FMNL3: variants seen among roughly 807,000 people sequenced by gnomAD.
FMNL3 encodes formin-like protein 3.
In FMNL3, 57 loss-of-function variants were observed where a neutral mutation model predicts 119.6. The ratio of observed to expected loss-of-function variants is 0.48; its 90% CI spans 0.39 to 0.59. The LOEUF is 0.59. Ranked by LOEUF, FMNL3 falls within the 20% of genes least tolerant of loss-of-function variation. The pLI, the probability that FMNL3 is intolerant of heterozygous loss-of-function variation, is 0.00. For synonymous variants in FMNL3, 491 were observed against 507.3 expected (o/e 0.97, Z 0.43); for missense variants, 1,053 against 1,323.5 (o/e 0.80, Z 3.17).
intron 1 of FMNL3, among the ~76,000 whole-genome samples, chr12:49,682,821 C>CA (rs1944370795): frequency 6.6e-6 from 1 of 152,162 alleles, no homozygotes; most frequent in Non-Finnish European, 1.5e-5. Flanking sequence ...AACAGCCACC[C>CA]AGGGGATTCA....
In FMNL3 at chr12:49,649,937, G is replaced by A. The variant is rs749293458; in HGVS notation, c.2001-12C>T. Reference sequence around the variant, plus strand: ...TCTGCAAGTCAAACCTGTGGAGGAGGGAGGGACCACCTCAGTTCTCACATC... The same window carrying A: ...TCTGCAAGTCAAACCTGTGGAGGAGAGAGGGACCACCTCAGTTCTCACATC... On this transcript the variant is annotated splice_polypyrimidine_tract_variant and intron_variant, in intron 17 of 25. Transcript: ENST00000335154. The surrounding 1 kb of genome is among the most constrained non-coding windows in gnomAD (Gnocchi z 5.6). The A allele has an allele frequency of 1.6e-5, 25 of 1,607,678 alleles. No individual in the cohort carries two copies. Among genetic ancestry groups the A allele is most frequent in the Non-Finnish European group, 2.1e-5 (25 of 1,176,112 alleles).
At chr12:49,680,574 A>G (rs965987811) in intron 1 of FMNL3, among the ~76,000 whole-genome samples, 4 of 152,180 alleles carry the variant, frequency 2.6e-5, no homozygotes, top group African/African-American at 9.7e-5. Flanking sequence ...CCACAGCCCA[A>G]TGCTATTTTT....
intron 12 of FMNL3, 99 bp downstream of exon 12, chr12:49,653,626 C>A (rs919070550): frequency 6.5e-7 from 1 of 1,549,222 alleles, no homozygotes; most frequent in Non-Finnish European, 8.8e-7. Context: ...CTAAAGCCTC[C>A]CTGGGACTCA....
Position 49,649,916 on chromosome 12 carries a change from C to G in FMNL3, c.2010G>C (p.Leu670Phe). 6.2e-7 allele frequency: 1 copy of G among 1,613,308 alleles called. No homozygotes were observed. Among genetic ancestry groups the G allele is most frequent in the Non-Finnish European group, 8.5e-7 (1 of 1,179,738 alleles). The change falls in exon 18 of 26, where the codon TTG (leucine) becomes TTC (phenylalanine). Residue 670 changes from leucine to phenylalanine, a missense_variant. Transcript: ENST00000335154. This position sits in a 1 kb window ranked among gnomAD's most constrained non-coding sequence, Gnocchi z 5.6. The stretch of plus-strand genomic sequence containing the variant: ...CCACGAAGTCCACAGGTAGTGTCTG[C>G]AAGTCAAACCTGTGGAGGAGGGAGG... ...EICRAIHTFD[L>F]QTLPVDFVEC...
At chr12:49,692,768 C>A (rs7313738) in intron 1 of FMNL3, among the ~76,000 whole-genome samples, 2 of 151,826 alleles carry the variant, frequency 1.3e-5, no homozygotes, top group Non-Finnish European at 2.9e-5. Flanking sequence ...CTGGGAGATG[C>A]ATAATAAACA....
chr12:49,670,431 C>G (rs1463485691), intron 1 of FMNL3, among the ~76,000 whole-genome samples: 1 of 152,102 alleles, frequency 6.6e-6, no homozygotes, highest in Non-Finnish European at 1.5e-5. Context: ...CTAGTGGGGG[C>G]AGTAAGGTGA....
At chr12:49,700,440 C>A (rs950711068) in intron 1 of FMNL3, among the ~76,000 whole-genome samples, 11 of 141,092 alleles carry the variant, frequency 7.8e-5, no homozygotes, top group Middle Eastern at 4.5e-3. Flanking sequence ...ATACGCTGGA[C>A]GCAGTGGCTC....
In FMNL3 at chr12:49,649,941, G is replaced by A. The variant is rs557453138; in HGVS notation, c.2001-16C>T. On this transcript the variant is annotated splice_polypyrimidine_tract_variant and intron_variant, in intron 17 of 25. Transcript: ENST00000335154. This position sits in a 1 kb window ranked among gnomAD's most constrained non-coding sequence, Gnocchi z 5.6. ...CAAGTCAAACCTGTGGAGGAGGGAG[G>A]GACCACCTCAGTTCTCACATCTCTC... 1 of 1,602,204 alleles carries A rather than the reference G, an allele frequency of 6.2e-7. No homozygotes were observed. Among genetic ancestry groups the A allele is most frequent in the Admixed American group, 1.7e-5 (1 of 59,614 alleles).
At chr12:49,676,254 G>A (rs1944182176) in intron 1 of FMNL3, among the ~76,000 whole-genome samples, 1 of 152,166 alleles carries the variant, frequency 6.6e-6, no homozygotes, top group South Asian at 2.1e-4. Context: ...CTTGCATTTA[G>A]GTATGGCTAT....
intron 13 of FMNL3, 140 bp downstream of exon 13, chr12:49,653,086 C>A: frequency 1.3e-6 from 1 of 754,486 alleles, no homozygotes; most frequent in Admixed American, 2.4e-5. Flanking sequence ...AATCATCAGC[C>A]CACCCACACC....
intron 1 of FMNL3, among the ~76,000 whole-genome samples, chr12:49,706,396 G>C (rs1945048845): frequency 6.6e-6 from 1 of 152,228 alleles, no homozygotes; most frequent in Non-Finnish European, 1.5e-5. Flanking sequence ...TTCACTTGGA[G>C]AAATACCCCA....
rs770258258 is a variant in FMNL3 at position 49,657,209 on chromosome 12, C to G, written c.606-19G>C. The stretch of plus-strand genomic sequence containing the variant: ...GCTATACCTGGGGAGATGGGCCAGG[C>G]AGTCAGGTGGGAGCTGAGGCTGCCA... On this transcript the variant is annotated intron_variant, in intron 6 of 25. Coordinates refer to ENST00000335154, the MANE Select transcript of FMNL3 (RefSeq NM_175736.5). 4 of 1,586,476 alleles carry G rather than the reference C, an allele frequency of 2.5e-6. No homozygotes were observed. In the Middle Eastern group the frequency reaches 5.0e-4, roughly 198 times the overall value.
intron 2 of FMNL3, among the ~76,000 whole-genome samples, chr12:49,667,250 T>C (rs922062698): frequency 1.3e-5 from 2 of 149,288 alleles, no homozygotes; most frequent in Non-Finnish European, 3.0e-5. Context: ...TGTTAGAGAG[T>C]AGGACCTAAA....
rs11169117 is a variant in FMNL3 at position 49,703,548 on chromosome 12, A to G, written c.126+3507T>C. Among the ~76,000 whole-genome samples the G allele has an allele frequency of 5.2e-3, 797 of 152,104 alleles. 19 individuals are homozygous for G. The East Asian group carries it at 0.091, about 17-fold the overall frequency. Reference sequence around the variant, plus strand: ...ACACCTAGAAAATATTACTGTTTCTACAGTACATGGGGTAGAAGCTGATCC... The same window carrying G: ...ACACCTAGAAAATATTACTGTTTCTGCAGTACATGGGGTAGAAGCTGATCC... On this transcript the variant is annotated intron_variant, in intron 1 of 25. Transcript: ENST00000335154.
intron 1 of FMNL3, among the ~76,000 whole-genome samples, chr12:49,674,849 T>C (rs1307341493): frequency 6.6e-6 from 1 of 152,134 alleles, no homozygotes; most frequent in African/African-American, 2.4e-5. Flanking sequence ...CTGAGCAGCC[T>C]GGAAGAAAAA....
intron 3 of FMNL3, 30 bp downstream of exon 3, chr12:49,666,097 A>G: frequency 1.2e-6 from 2 of 1,607,670 alleles, no homozygotes; most frequent in Non-Finnish European, 1.7e-6. Context: ...AAAGGGTGGC[A>G]AGACGGGGAC....
chr12:49,701,388 T>G (rs925783550), intron 1 of FMNL3, among the ~76,000 whole-genome samples: 5 of 152,196 alleles, frequency 3.3e-5, no homozygotes, highest in Admixed American at 2.0e-4. Context: ...TCATACATTA[T>G]TCCCTCTTTT....
At chr12:49,695,750 A>T (rs1021901440) in intron 1 of FMNL3, among the ~76,000 whole-genome samples, 1 of 152,198 alleles carries the variant, frequency 6.6e-6, no homozygotes, top group Non-Finnish European at 1.5e-5. Flanking sequence ...TAAGTCCCCC[A>T]AAAGATGTAA....
intron 1 of FMNL3, among the ~76,000 whole-genome samples, chr12:49,697,115 A>G (rs1005510202): frequency 6.6e-6 from 1 of 152,244 alleles, no homozygotes; most frequent in Non-Finnish European, 1.5e-5. Context: ...CTGTTGACAG[A>G]TCTCTCAAAC....
Sources: allele counts gnomAD v4.1 joint callset (sites outside exome capture counted in the v4.1 genomes callset), GRCh38; gene constraint gnomAD v4.1.1; non-coding constraint Gnocchi (gnomAD v3.1); transcripts MANE v1.5; gene names NCBI Gene and HGNC (gene_info 2026-07-23, HGNC 2026-07-21).